Variants in ATP10B observed in about 807,000 individuals in gnomAD.
The protein encoded by ATP10B is ATPase phospholipid transporting 10B (putative).
In ATP10B, 122 loss-of-function variants were observed where a neutral mutation model predicts 141.2. That is an observed-to-expected ratio of 0.86 (90% CI 0.75 to 1.00). The LOEUF (loss-of-function observed/expected upper bound fraction) is 1.00. ATP10B is among the 50% of genes least tolerant of loss of function. The pLI, the probability that ATP10B is intolerant of heterozygous loss-of-function variation, is 0.00. For synonymous variants in ATP10B, 685 were observed against 692.0 expected, an observed-to-expected ratio of 0.99 and a Z score of 0.16; for missense variants, 1,876 against 1,825.3, an observed-to-expected ratio of 1.03 and a Z score of -0.51.
intron 17 of ATP10B, among the ~76,000 whole-genome samples, chr5:160,613,404 G>A (rs1451939274): frequency 1.3e-5 from 2 of 152,212 alleles, no homozygotes; most frequent in Admixed American, 1.3e-4. Flanking sequence ...ACTGGGCAGA[G>A]CCTTGTCAGG....
intron 2 of ATP10B, among the ~76,000 whole-genome samples, chr5:160,760,542 T>C (rs1171663228): frequency 6.6e-6 from 1 of 152,200 alleles, no homozygotes; most frequent in Admixed American, 6.5e-5. Flanking sequence ...TTTTTACTTT[T>C]CCAATTAAGG....
At chr5:160,685,417 C>T (rs1194814327) in intron 6 of ATP10B, 1 of 428,462 alleles carries the variant, frequency 2.3e-6, no homozygotes, top group African/African-American at 2.0e-5. Flanking sequence ...CTTCCTTCTA[C>T]TTGTTTGAGA....
rs370051426 is a variant in ATP10B, at chr5:160,620,890, A to G, written c.1873T>C (p.Phe625Leu). The G allele has an allele frequency of 2.0e-4, 324 of 1,614,094 alleles. No homozygotes were observed. The highest frequency in any genetic ancestry group is 2.6e-4 in the Non-Finnish European group (302 of 1,180,042). Residue 625 changes from phenylalanine to leucine, a missense_variant, in exon 15 of 26, where the codon TTC becomes CTC. Physicochemically the swap from Phe to Leu is conservative, Grantham distance 22 (BLOSUM62 0). Transcript: ENST00000327245. ...GTSLEKIQQL[F>L]QKLKLLSLSQ... ...AGGCTCAATAGCTTCAACTTCTGGAAGAGCTGCTGAATCTTCTCCAGGGAC... is the reference window on the plus strand; with the variant it reads ...AGGCTCAATAGCTTCAACTTCTGGAGGAGCTGCTGAATCTTCTCCAGGGAC...
intron 13 of ATP10B, among the ~76,000 whole-genome samples, chr5:160,623,084 T>C (rs950697314): frequency 6.6e-6 from 1 of 152,234 alleles, no homozygotes; most frequent in African/African-American, 2.4e-5. Flanking sequence ...TTTATTCCCA[T>C]GCTTCTCAAC....
chr5:160,733,611 CACACATATATTACACATATATGTA>C (rs1561799125), intron 2 of ATP10B, among the ~76,000 whole-genome samples: 1 of 151,536 alleles, frequency 6.6e-6, no homozygotes. Context: ...ACATATATGT[CACACATATATTACACATATATGTA>C]ACACATATGT....
the ATP10B span, among the ~76,000 whole-genome samples, chr5:160,889,786 A>T: frequency 1.3e-5 from 2 of 152,292 alleles, no homozygotes; most frequent in Admixed American, 6.5e-5. Flanking sequence ...GCCTGCAGGG[A>T]TCTTCAGGAC....
Position 160,644,229 on chromosome 5 carries a change from C to A in ATP10B, c.777G>T (p.Gln259His). The A allele has an allele frequency of 1.2e-6, 2 of 1,613,866 alleles. No individual in the cohort carries two copies. Among genetic ancestry groups the A allele is most frequent in the South Asian group, 2.2e-5 (2 of 91,054 alleles). ...KFKGYMEHPDQTRTGFGCESL... is the reference protein window; with the variant it reads ...KFKGYMEHPDHTRTGFGCESL... ...TCTCACAGCCAAAGCCAGTCCTGGT[C>A]TGGTCAGGATGCTCCCTGGGGATGA... Residue 259 changes from glutamine to histidine, a missense_variant, in exon 9 of 26, where the codon CAG (glutamine) becomes CAT (histidine). Gln to His is a conservative substitution (Grantham distance 24). Coordinates refer to ENST00000327245, the MANE Select transcript of ATP10B (RefSeq NM_025153.3).
chr5:160,782,527 G>A (rs2127884894), intron 2 of ATP10B, among the ~76,000 whole-genome samples: 1 of 150,222 alleles, frequency 6.7e-6, no homozygotes, highest in African/African-American at 2.4e-5. Flanking sequence ...TGAGCCCCCA[G>A]AAGGGATCAT....
the ATP10B span, among the ~76,000 whole-genome samples, chr5:160,903,443 G>A: frequency 2.0e-5 from 3 of 152,152 alleles, no homozygotes; most frequent in Non-Finnish European, 4.4e-5. Context: ...CATTTTGTCT[G>A]CACTGGGAGT....
Position 160,632,284 on chromosome 5 carries a change from A to G in ATP10B, c.1465T>C (p.Trp489Arg), listed in dbSNP as rs1334084982. 1 of 1,614,138 alleles carries G rather than the reference A, an allele frequency of 6.2e-7. No homozygotes were observed. Among genetic ancestry groups the G allele is most frequent in the Admixed American group, 1.7e-5 (1 of 60,022 alleles). ...QYQCLSFSARWAQDPATMRSQ... is the reference protein window; with the variant it reads ...QYQCLSFSARRAQDPATMRSQ... ...CTCATAGTTGCTGGATCCTGGGCCC[A>G]TCTAGCCGAGAAGGACAGGCATTGG... Residue 489 changes from tryptophan (W) to arginine (R), a missense_variant, in exon 13 of 26, where the codon TGG (tryptophan) becomes CGG (arginine). By Grantham distance (101) the Trp-to-Arg change is moderately radical. Transcript: ENST00000327245.
intron 2 of ATP10B, among the ~76,000 whole-genome samples, chr5:160,776,023 T>C (rs577969442): frequency 6.6e-6 from 1 of 152,288 alleles, no homozygotes; most frequent in Admixed American, 6.5e-5. Context: ...GAGCACCCAC[T>C]AGTATCCTAT....
At chr5:160,778,485 T>C (rs1439940350) in intron 2 of ATP10B, among the ~76,000 whole-genome samples, 1 of 152,120 alleles carries the variant, frequency 6.6e-6, no homozygotes, top group African/African-American at 2.4e-5. Flanking sequence ...AAGTCAGTTT[T>C]CCCCCTCTTT....
chr5:160,605,586 CTAAATTTGT>C (rs1757337316), intron 19 of ATP10B, among the ~76,000 whole-genome samples: 1 of 152,188 alleles, frequency 6.6e-6, no homozygotes, highest in South Asian at 2.1e-4. Flanking sequence ...GATGTCGTTG[CTAAATTTGT>C]TCTCTGCTTT....
intron 1 of ATP10B, among the ~76,000 whole-genome samples, chr5:160,832,443 A>G (rs1775155611): frequency 6.6e-6 from 1 of 152,162 alleles, no homozygotes; most frequent in African/African-American, 2.4e-5. Flanking sequence ...TTGTTGATAA[A>G]AAGTGTTAAG....
intron 14 of ATP10B, among the ~76,000 whole-genome samples, chr5:160,621,518 A>G (rs1758350406): frequency 6.6e-6 from 1 of 152,194 alleles, no homozygotes; most frequent in African/African-American, 2.4e-5. Context: ...CCTCTTAAAA[A>G]TGAATTAATT....
chr5:160,899,424 G>T, the ATP10B span, among the ~76,000 whole-genome samples: 1 of 152,038 alleles, frequency 6.6e-6, no homozygotes. Context: ...ACTAAAAAGG[G>T]GTATGAGGAA....
the ATP10B span, among the ~76,000 whole-genome samples, chr5:160,918,426 G>T: frequency 6.6e-6 from 1 of 152,132 alleles, no homozygotes; most frequent in African/African-American, 2.4e-5. Context: ...AAAATCAGCA[G>T]GAGAGGTAGG....
chr5:160,581,249 T>C (rs991305325), intron 24 of ATP10B, among the ~76,000 whole-genome samples: 8 of 152,130 alleles, frequency 5.3e-5, no homozygotes, highest in Non-Finnish European at 1.0e-4. Flanking sequence ...GTTAGGGTGT[T>C]GATTTTAGAT....
the ATP10B span, among the ~76,000 whole-genome samples, chr5:160,863,522 A>G: frequency 6.6e-6 from 1 of 152,026 alleles, no homozygotes; most frequent in African/African-American, 2.4e-5. Flanking sequence ...AAAAGCATAA[A>G]TAGACAACCT....
Sources: gnomAD v4.1 joint callset for allele counts (sites outside exome capture counted in the v4.1 genomes callset) on GRCh38, gnomAD v4.1.1 for gene constraint, MANE v1.5 for transcripts, NCBI Gene and HGNC (gene_info 2026-07-23, HGNC 2026-07-21) for gene names.